The following ADAMTSL1 variants were observed in gnomAD, a reference collection of about 807,000 sequenced individuals.
ADAMTSL1 encodes the protein ADAMTS-like protein 1.
ADAMTSL1 carries 126 observed loss-of-function variants against 201.8 expected under a neutral mutation model. The ratio of observed to expected loss-of-function variants is 0.62; its 90% CI spans 0.54 to 0.72. ADAMTSL1 has a LOEUF of 0.72. ADAMTSL1 is among the 30% of genes least tolerant of loss of function. The probability of loss-of-function intolerance (pLI) is 0.00; values close to 1 mark genes in which losing one functional copy is unlikely to be tolerated. For missense variants in ADAMTSL1, 2,679 were observed against 2,277.8 expected (o/e 1.18, Z -3.59); for synonymous variants, 1,121 against 903.4 (o/e 1.24, Z -4.32).
chr9:18,087,186 C>A (rs1238898460), intron 1 of ADAMTSL1, among the ~76,000 whole-genome samples: 2 of 152,086 alleles, frequency 1.3e-5, no homozygotes, highest in South Asian at 4.1e-4. Context: ...ATAACCTTTT[C>A]TTTTCTCCCT....
intron 3 of ADAMTSL1, among the ~76,000 whole-genome samples, chr9:18,557,934 G>A (rs1821204017): frequency 6.6e-6 from 1 of 151,968 alleles, no homozygotes. Flanking sequence ...AAGCACAGAG[G>A]AATGGGCATA....
rs1827879400 is a variant in ADAMTSL1, at chr9:17,955,066, ATATATGTG to A, written c.87+48150_87+48157del. Among the ~76,000 whole-genome samples, 5 of 152,202 alleles carry A rather than the reference ATATATGTG, an allele frequency of 3.3e-5. No homozygotes were observed. The South Asian group carries it at 1.0e-3, about 31-fold the overall frequency. On this transcript the variant is annotated intron_variant, in intron 1 of 29. Transcript: ENST00000680146. ...GAGGTAAATGTACACATACACATGT[ATATATGTG>A]TATATTTGATGCCGTGTGTGTATAC...
chr9:18,738,348 T>C (rs1047105895), intron 15 of ADAMTSL1, among the ~76,000 whole-genome samples: 1 of 152,152 alleles, frequency 6.6e-6, no homozygotes, highest in African/African-American at 2.4e-5. Flanking sequence ...TAGCCATCAA[T>C]AAGAAAAGGA....
rs1821398502 is a variant in ADAMTSL1, at chr9:18,475,384, A to G, written c.63+1089A>G. On this transcript the variant is annotated intron_variant, in intron 1 of 28. Coordinates refer to ENST00000380548, the MANE Select transcript of ADAMTSL1 (RefSeq NM_001040272.6). ...TAATTTTGAAGTAGGGAAGAAAGCC[A>G]TTTGGTACAAACTGAAAAAGTCCAG... is the stretch of plus-strand genomic sequence containing the variant. Among the ~76,000 whole-genome samples, 3 of 152,194 alleles carry G rather than the reference A, an allele frequency of 2.0e-5. No individual in the cohort carries two copies. In the South Asian group the frequency reaches 6.2e-4, roughly 32 times the overall value.
At chr9:17,976,309 T>C (rs907572081) in intron 1 of ADAMTSL1, among the ~76,000 whole-genome samples, 3 of 152,070 alleles carry the variant, frequency 2.0e-5, no homozygotes, top group African/African-American at 7.2e-5. Context: ...GTATATCATT[T>C]TGGGTAGTAT....
rs149149934 is a variant in ADAMTSL1, at chr9:18,546,708, C to T, written c.237+13416C>T. Among the ~76,000 whole-genome samples, 865 of 152,214 alleles carry T rather than the reference C, an allele frequency of 5.7e-3. 13 individuals are homozygous for T. The highest frequency in any genetic ancestry group is 0.02 in the African/African-American group (818 of 41,546). On this transcript the variant is annotated intron_variant, in intron 3 of 28. Transcript: ENST00000380548. ...GATATTGGAAGTAATTTAGACAAAA[C>T]TGTCAATTCTTATAGAACAGTATTT...
chr9:17,921,876 G>A (rs1432503058), intron 1 of ADAMTSL1, among the ~76,000 whole-genome samples: 6 of 152,000 alleles, frequency 3.9e-5, no homozygotes, highest in Admixed American at 3.9e-4. Context: ...TTCAGTAACA[G>A]CTCATTTTTC....
At chr9:18,814,806 C>A (rs932347460) in intron 20 of ADAMTSL1, among the ~76,000 whole-genome samples, 1 of 152,136 alleles carries the variant, frequency 6.6e-6, no homozygotes, top group Non-Finnish European at 1.5e-5. Context: ...ATGAAATAAT[C>A]TGTACAACAA....
chr9:18,628,807 AT>A (rs2132719789), intron 5 of ADAMTSL1, among the ~76,000 whole-genome samples: 1 of 152,258 alleles, frequency 6.6e-6, no homozygotes, highest in South Asian at 2.1e-4. Context: ...ACTTTATATG[AT>A]TTACATCTGT....
intron 1 of ADAMTSL1, among the ~76,000 whole-genome samples, chr9:18,078,509 T>C (rs1376520399): frequency 6.6e-6 from 1 of 152,144 alleles, no homozygotes; most frequent in South Asian, 2.1e-4. Context: ...TCATCCAGGG[T>C]TGTGCTCAGG....
intron 1 of ADAMTSL1, among the ~76,000 whole-genome samples, chr9:18,120,264 G>C (rs918687220): frequency 7.9e-5 from 12 of 152,198 alleles, no homozygotes; most frequent in African/African-American, 2.7e-4. Context: ...ATGGCAGCTG[G>C]CTTGGCCCAG....
rs71304881 is a variant in ADAMTSL1, at chr9:18,425,859, G to GAAAAAAA, written c.208-78957_208-78951dup. Among the ~76,000 whole-genome samples the GAAAAAAA allele has an allele frequency of 2.1e-5, 2 of 94,618 alleles. 1 individual carries two copies. 62.1% of individuals were successfully genotyped at this position (94,618 alleles called of 152,430 possible). A position where few individuals can be genotyped will look rare whatever the true frequency, so the allele number is the denominator to read the frequency against. The stretch of plus-strand genomic sequence containing the variant: ...TAACACAGTAAGATCCCTGTCTCAA[G>GAAAAAAA]AAAAAAAAAAAAAAAAAAAGACGTG... On this transcript the variant is annotated intron_variant, in intron 2 of 29. Transcript: ENST00000680146.
At chr9:18,739,399 C>T (rs1212052672) in intron 15 of ADAMTSL1, among the ~76,000 whole-genome samples, 1 of 152,104 alleles carries the variant, frequency 6.6e-6, no homozygotes, top group East Asian at 1.9e-4. Flanking sequence ...TTCATCAGTT[C>T]TATCAGATCC....
At chr9:18,377,393 G>A (rs548046292) in intron 2 of ADAMTSL1, among the ~76,000 whole-genome samples, 1 of 152,296 alleles carries the variant, frequency 6.6e-6, no homozygotes, top group Non-Finnish European at 1.5e-5. Context: ...TCTACATCCA[G>A]ATATCGAGAT....
upstream of ADAMTSL1, among the ~76,000 whole-genome samples, chr9:18,473,618 G>A (rs1341625816): frequency 6.6e-6 from 1 of 152,104 alleles, no homozygotes; most frequent in African/African-American, 2.4e-5. Flanking sequence ...TTATGGAGGC[G>A]AAATAAAACA....
intron 1 of ADAMTSL1, among the ~76,000 whole-genome samples, chr9:18,016,799 C>A (rs1031876320): frequency 1.2e-4 from 19 of 152,094 alleles, no homozygotes; most frequent in African/African-American, 4.6e-4. Flanking sequence ...ATGGTCCCTG[C>A]GTTCAGGTGA....
intron 1 of ADAMTSL1, among the ~76,000 whole-genome samples, chr9:17,961,480 A>T (rs1232356280): frequency 1.3e-5 from 2 of 151,932 alleles, no homozygotes; most frequent in Non-Finnish European, 2.9e-5. Context: ...CGAACTCCTG[A>T]CCTCAGGTGA....
chr9:18,118,800 T>C (rs1376657328), intron 1 of ADAMTSL1, among the ~76,000 whole-genome samples: 1 of 152,166 alleles, frequency 6.6e-6, no homozygotes, highest in East Asian at 1.9e-4. Flanking sequence ...ATGCCTTTAT[T>C]CGAAATTGTA....
intron 15 of ADAMTSL1, among the ~76,000 whole-genome samples, chr9:18,733,041 A>G (rs567669268): frequency 1.6e-4 from 25 of 152,344 alleles, no homozygotes; most frequent in African/African-American, 6.0e-4. Flanking sequence ...GGAACAAGGT[A>G]TATTTAATTC....
Sources: gnomAD v4.1 joint callset for allele counts (sites outside exome capture counted in the v4.1 genomes callset) on GRCh38, gnomAD v4.1.1 for gene constraint, MANE v1.5 for transcripts, NCBI Gene and HGNC (gene_info 2026-07-23, HGNC 2026-07-21) for gene names.